LRMDA: variants seen among roughly 807,000 people sequenced by gnomAD.
LRMDA encodes leucine-rich melanocyte differentiation-associated protein.
LRMDA carries 18 observed loss-of-function variants against 29.8 expected under a neutral mutation model. The ratio of observed to expected loss-of-function variants is 0.60; its 90% confidence interval spans 0.42 to 0.90. The LOEUF (loss-of-function observed/expected upper bound fraction) is 0.90. Among genes scored for constraint, LRMDA ranks in the 40% least tolerant of loss-of-function variants. The pLI is 0.00. For synonymous variants in LRMDA, 125 were observed against 109.4 expected (o/e 1.14, Z -0.89); for missense variants, 273 against 273.9 (o/e 1.00, Z 0.02).
intron 2 of LRMDA, among the ~76,000 whole-genome samples, chr10:75,440,653 A>C (rs538073285): frequency 2.0e-5 from 3 of 152,118 alleles, no homozygotes; most frequent in African/African-American, 2.4e-5. Flanking sequence ...AGAAGATTCG[A>C]GCTTATTTGG....
chr10:75,761,808 G>GTT (rs1302346924), intron 2 of LRMDA, among the ~76,000 whole-genome samples: 39 of 120,006 alleles, frequency 3.2e-4, no homozygotes, highest in East Asian at 1.6e-3. Flanking sequence ...TTTTTTTTTT[G>GTT]TTTTTTTTTT....
intron 5 of LRMDA, among the ~76,000 whole-genome samples, chr10:76,096,416 A>C (rs1324960938): frequency 6.6e-6 from 1 of 152,052 alleles, no homozygotes; most frequent in East Asian, 1.9e-4. Flanking sequence ...TTTGTCAAAA[A>C]TTAATTGGCC....
intron 5 of LRMDA, among the ~76,000 whole-genome samples, chr10:76,142,338 A>G (rs1850217751): frequency 6.6e-6 from 1 of 152,154 alleles, no homozygotes; most frequent in South Asian, 2.1e-4. Flanking sequence ...TAGAATATAG[A>G]TAATAACTTA....
intron 6 of LRMDA, among the ~76,000 whole-genome samples, chr10:76,383,180 G>A (rs748185311): frequency 1.1e-3 from 161 of 152,234 alleles, no homozygotes; most frequent in Middle Eastern, 0.01. Context: ...TGAAGACAGC[G>A]GGCATTACTA....
intron 2 of LRMDA, among the ~76,000 whole-genome samples, chr10:75,800,324 A>G (rs1487070318): frequency 6.6e-6 from 1 of 151,974 alleles, no homozygotes; most frequent in African/African-American, 2.4e-5. Context: ...TGCAGCATAT[A>G]TATATATTTT....
At position 76,238,263 on chromosome 10, in the gene LRMDA, A is replaced by G. The variant is rs145072264; in HGVS notation, c.517-86138A>G. Among the ~76,000 whole-genome samples, 736 of 152,196 alleles carry G rather than the reference A, an allele frequency of 4.8e-3. 6 individuals carry two copies. Among genetic ancestry groups the G allele is most frequent in the African/African-American group, 0.017 (691 of 41,522 alleles). On this transcript the variant is annotated intron_variant, in intron 5 of 6. Transcript: ENST00000611255. ...TTGTGGTGAGCCGGGGTTGAGTTAG[A>G]CTTTAGCTATGTCCTCACAGCCTAA...
intron 5 of LRMDA, among the ~76,000 whole-genome samples, chr10:76,139,942 G>A (rs1850168465): frequency 6.6e-6 from 1 of 152,062 alleles, no homozygotes; most frequent in South Asian, 2.1e-4. Flanking sequence ...GGGGATGGAG[G>A]TGCCTTCCAG....
intron 6 of LRMDA, among the ~76,000 whole-genome samples, chr10:76,520,277 A>G (rs1589223339): frequency 6.6e-6 from 1 of 151,316 alleles, no homozygotes; most frequent in South Asian, 2.1e-4. Flanking sequence ...TTTTTTTTAC[A>G]AGTTCCATGT....
At chr10:75,584,667 G>T (rs534448752) in intron 2 of LRMDA, among the ~76,000 whole-genome samples, 216 of 152,296 alleles carry the variant, frequency 1.4e-3, no homozygotes, top group Non-Finnish European at 2.2e-3. Flanking sequence ...ATGGGGTGGT[G>T]AAAGATATAT....
At chr10:75,557,972 C>A (rs760667451) in intron 2 of LRMDA, among the ~76,000 whole-genome samples, 8 of 151,976 alleles carry the variant, frequency 5.3e-5, no homozygotes. Flanking sequence ...TCCAAGACAC[C>A]CCTTGGCATA....
At chr10:76,103,433 C>CG (rs1306495948) in intron 5 of LRMDA, among the ~76,000 whole-genome samples, 2 of 152,132 alleles carry the variant, frequency 1.3e-5, no homozygotes, top group Admixed American at 1.3e-4. Context: ...CTTCTGATCC[C>CG]GGGGGCCTCT....
intron 2 of LRMDA, among the ~76,000 whole-genome samples, chr10:75,890,377 G>A (rs1449206320): frequency 1.3e-5 from 2 of 152,222 alleles, no homozygotes; most frequent in Non-Finnish European, 2.9e-5. Flanking sequence ...TTTGGGAATA[G>A]CATACCCTTC....
At chr10:75,721,234 G>A (rs567315502) in intron 2 of LRMDA, among the ~76,000 whole-genome samples, 7 of 152,230 alleles carry the variant, frequency 4.6e-5, no homozygotes, top group African/African-American at 1.7e-4. Context: ...TTAGCTTTCT[G>A]CTCTGAGCAT....
At chr10:75,889,076 G>A (rs1348828356) in intron 2 of LRMDA, among the ~76,000 whole-genome samples, 2 of 152,314 alleles carry the variant, frequency 1.3e-5, no homozygotes, top group East Asian at 3.9e-4. Flanking sequence ...AGCTATATGT[G>A]TGTGTGTGTA....
At chr10:76,097,049 C>T (rs953521459) in intron 5 of LRMDA, among the ~76,000 whole-genome samples, 13 of 151,318 alleles carry the variant, frequency 8.6e-5, no homozygotes, top group South Asian at 6.3e-4. Context: ...CTTGCTCTGT[C>T]GGCCAGGCTG....
chr10:76,015,372 G>T (rs1177851911), intron 2 of LRMDA, among the ~76,000 whole-genome samples: 2 of 152,182 alleles, frequency 1.3e-5, no homozygotes, highest in Non-Finnish European at 2.9e-5. Flanking sequence ...TCACGTGATT[G>T]TGGGTGGGAT....
At chr10:76,541,365 G>T (rs1324609259) in intron 6 of LRMDA, among the ~76,000 whole-genome samples, 1 of 152,110 alleles carries the variant, frequency 6.6e-6, no homozygotes, top group Non-Finnish European at 1.5e-5. Flanking sequence ...GCCAGGCATG[G>T]GGGCACATGC....
intron 5 of LRMDA, among the ~76,000 whole-genome samples, chr10:76,196,059 T>C (rs1246919995): frequency 6.6e-6 from 1 of 152,240 alleles, no homozygotes; most frequent in Non-Finnish European, 1.5e-5. Flanking sequence ...AGTGTTCAGC[T>C]AAGAGGACCT....
chr10:75,827,950 C>T (rs1373123887), intron 2 of LRMDA, among the ~76,000 whole-genome samples: 2 of 152,138 alleles, frequency 1.3e-5, no homozygotes, highest in Non-Finnish European at 2.9e-5. Flanking sequence ...CTGAGAACTA[C>T]AGCATAAGAG....
Sources: allele counts gnomAD v4.1 joint callset (sites outside exome capture counted in the v4.1 genomes callset), GRCh38; gene constraint gnomAD v4.1.1; transcripts MANE v1.5; gene names NCBI Gene and HGNC (gene_info 2026-07-23, HGNC 2026-07-21).